Variants in AGBL1 observed in about 807,000 individuals in gnomAD.
AGBL1 encodes the protein AGBL carboxypeptidase 1.
Under a neutral mutation model 118.9 loss-of-function variants are expected in AGBL1, and 130 were observed. That is an observed-to-expected ratio of 1.09 (90% CI 0.95 to 1.26). The LOEUF is 1.26. AGBL1 is among the 50% of genes most tolerant of loss of function. The pLI, the probability that AGBL1 is intolerant of heterozygous loss-of-function variation, is 0.00. For synonymous variants in AGBL1, 555 were observed against 478.9 expected, an observed-to-expected ratio of 1.16 and a Z score of -2.08; for missense variants, 1,584 against 1,298.1, an observed-to-expected ratio of 1.22 and a Z score of -3.38.
At chr15:86,191,386 T>G (rs553879672) in intron 5 of AGBL1, among the ~76,000 whole-genome samples, 1 of 135,742 alleles carries the variant, frequency 7.4e-6, no homozygotes, top group African/African-American at 2.9e-5. Flanking sequence ...AGAGAGAAAT[T>G]AAGAGCACAA....
At chr15:86,157,348 A>G (rs538767225) in intron 4 of AGBL1, among the ~76,000 whole-genome samples, 40 of 152,356 alleles carry the variant, frequency 2.6e-4, no homozygotes, top group African/African-American at 9.4e-4. Context: ...ATTAATGAAT[A>G]GACAGAAGGT....
At chr15:86,809,815 C>A (rs923428742) in intron 22 of AGBL1, among the ~76,000 whole-genome samples, 1 of 152,094 alleles carries the variant, frequency 6.6e-6, no homozygotes, top group Non-Finnish European at 1.5e-5. Context: ...TTCAGGCCAT[C>A]CAGGAAAGAT....
chr15:87,016,165 C>T (rs956296386), intron 24 of AGBL1, among the ~76,000 whole-genome samples: 24 of 152,190 alleles, frequency 1.6e-4, no homozygotes, highest in African/African-American at 5.5e-4. Context: ...GTTTAAAACG[C>T]AAACTCTCAA....
chr15:86,636,704 TA>T (rs1176655858), intron 21 of AGBL1, among the ~76,000 whole-genome samples: 6 of 4,684 alleles, frequency 1.3e-3, no homozygotes, highest in East Asian at 0.016. Flanking sequence ...CCACCAGTCA[TA>T]TATATATATA....
chr15:86,220,545 C>A (rs571637631), intron 5 of AGBL1, among the ~76,000 whole-genome samples: 1 of 152,138 alleles, frequency 6.6e-6, no homozygotes, highest in Admixed American at 6.5e-5. Context: ...TTGCTAAAAT[C>A]TTAACGAGAG....
At chr15:86,281,219 A>G (rs997007703) in intron 16 of AGBL1, among the ~76,000 whole-genome samples, 10 of 152,134 alleles carry the variant, frequency 6.6e-5, no homozygotes, top group Non-Finnish European at 1.3e-4. Context: ...CACCATCTCT[A>G]CAAAAAATAC....
chr15:86,970,128 C>A (rs574320041), intron 23 of AGBL1, among the ~76,000 whole-genome samples: 1 of 151,758 alleles, frequency 6.6e-6, no homozygotes, highest in Non-Finnish European at 1.5e-5. Context: ...CTTTCAATTG[C>A]GGAGGAAGTG....
intron 18 of AGBL1, among the ~76,000 whole-genome samples, chr15:86,467,884 G>T (rs2082427238): frequency 6.6e-6 from 1 of 152,180 alleles, no homozygotes; most frequent in African/African-American, 2.4e-5. Context: ...TCATCTCTGT[G>T]TTGGTCTGGC....
At chr15:86,125,286 C>A (rs1432232436) in intron 1 of AGBL1, among the ~76,000 whole-genome samples, 1 of 152,212 alleles carries the variant, frequency 6.6e-6, no homozygotes, top group East Asian at 1.9e-4. Context: ...CACTTCCTCA[C>A]TGTCCATCAC....
chr15:86,762,400 G>A (rs1475101211), intron 22 of AGBL1, among the ~76,000 whole-genome samples: 1 of 151,928 alleles, frequency 6.6e-6, no homozygotes, highest in Non-Finnish European at 1.5e-5. Context: ...CCTGCCCCCT[G>A]CAAAAGATGA....
chr15:86,475,827 AG>A (rs2082550973), intron 18 of AGBL1, among the ~76,000 whole-genome samples: 1 of 152,234 alleles, frequency 6.6e-6, no homozygotes, highest in Non-Finnish European at 1.5e-5. Context: ...CCAGAAAGAA[AG>A]GTCGGGTTAC....
rs1202978973 is a variant in AGBL1, at chr15:86,526,573, TACAC to T, written c.2685+3638_2685+3641del. On this transcript the variant is annotated intron_variant, in intron 19 of 22. Coordinates refer to ENST00000614907, the MANE Select transcript of AGBL1 (RefSeq NM_001386094.1). ...ATATATATATATATATATATATATA[TACAC>T]ACAGAGTATATATATGTATATAGTG... Among the ~76,000 whole-genome samples, 29 of 117,610 alleles carry T rather than the reference TACAC, an allele frequency of 2.5e-4. 1 individual carries two copies. The highest frequency in any genetic ancestry group is 8.1e-4 in the African/African-American group (23 of 28,456). 77.2% of individuals were successfully genotyped at this position (117,610 alleles called of 152,430 possible).
chr15:86,150,758 T>C (rs896511505), intron 3 of AGBL1, among the ~76,000 whole-genome samples: 1 of 152,208 alleles, frequency 6.6e-6, no homozygotes, highest in African/African-American at 2.4e-5. Flanking sequence ...CAATCCTCCC[T>C]AACTCATTTT....
At chr15:86,199,906 C>A (rs774133159) in intron 5 of AGBL1, among the ~76,000 whole-genome samples, 8 of 152,164 alleles carry the variant, frequency 5.3e-5, no homozygotes, top group Non-Finnish European at 1.5e-5. Context: ...GCCATCCAAT[C>A]CTATTAATGG....
At position 86,295,631 on chromosome 15, in the gene AGBL1, G is replaced by A. The variant is rs181884005; in HGVS notation, c.2374+223G>A. 5.2e-3 allele frequency: 1,955 copies of A among 378,800 alleles called. 31 individuals are homozygous for A. Among genetic ancestry groups the A allele is most frequent in the Non-Finnish European group, 4.4e-3 (939 of 214,742 alleles). The allele number at this position is 378,800 out of a possible 1,614,324, so 23.5% of individuals were successfully genotyped here. ...AAAATGAAATGAATTCAAACTGTCC[G>A]GCAGATGAAATGACAGTTTGCTAAT... On this transcript the variant is annotated intron_variant, in intron 17 of 22. Coordinates refer to ENST00000614907, the MANE Select transcript of AGBL1 (RefSeq NM_001386094.1).
chr15:86,987,928 A>G, intron 23 of AGBL1: 1 of 1,568,806 alleles, frequency 6.4e-7, no homozygotes, highest in Non-Finnish European at 8.6e-7. Context: ...CTATAATAAT[A>G]TGTGACACTA....
intron 23 of AGBL1, among the ~76,000 whole-genome samples, chr15:86,923,489 A>AC (rs879864051): frequency 1.3e-5 from 2 of 152,046 alleles, no homozygotes; most frequent in Non-Finnish European, 2.9e-5. Context: ...ATCTCAGCTT[A>AC]CCCCTGATCT....
chr15:86,678,699 T>A (rs1406735977), intron 22 of AGBL1, among the ~76,000 whole-genome samples: 2 of 152,230 alleles, frequency 1.3e-5, no homozygotes, highest in Admixed American at 6.5e-5. Flanking sequence ...GATAAACCTG[T>A]CTACCTCGGT....
At position 86,613,861 on chromosome 15, in the gene AGBL1, G is replaced by C. The variant is rs184888763; in HGVS notation, c.2994+59324G>C. ...TTGAGTGATCTATATGCATGTTAAT[G>C]TTTGAGAAGTCCTGAGTGAAAAGAC... is the stretch of plus-strand genomic sequence containing the variant. On this transcript the variant is annotated intron_variant, in intron 21 of 22. Transcript: ENST00000614907. This position sits in a 1 kb window ranked among gnomAD's most constrained non-coding sequence, Gnocchi z 4.2. Among the ~76,000 whole-genome samples the C allele has an allele frequency of 3.9e-3, 595 of 152,276 alleles. 6 individuals are homozygous for C. The highest frequency in any genetic ancestry group is 0.017 in the Middle Eastern group (5 of 294).
Sources: allele counts gnomAD v4.1 joint callset (sites outside exome capture counted in the v4.1 genomes callset), GRCh38; gene constraint gnomAD v4.1.1; non-coding constraint Gnocchi (gnomAD v3.1); transcripts MANE v1.5; gene names NCBI Gene and HGNC (gene_info 2026-07-23, HGNC 2026-07-21).